Variants in AGBL1 observed in about 807,000 individuals in gnomAD.
The protein encoded by AGBL1 is cytosolic carboxypeptidase 4.
AGBL1 carries 130 observed loss-of-function variants against 118.9 expected under a neutral mutation model. The ratio of observed to expected loss-of-function variants is 1.09; its 90% CI spans 0.95 to 1.26. The LOEUF (loss-of-function observed/expected upper bound fraction) is 1.26. Ranked by LOEUF, AGBL1 falls within the 50% of genes most tolerant of loss-of-function variation. The pLI, the probability that AGBL1 is intolerant of heterozygous loss-of-function variation, is 0.00. For missense variants in AGBL1, 1,584 were observed against 1,298.1 expected (o/e 1.22, Z -3.38); for synonymous variants, 555 against 478.9 (o/e 1.16, Z -2.08).
Position 86,975,363 on chromosome 15 carries a change from T to A in AGBL1, c.3222-12624T>A, listed in dbSNP as rs146333767. On this transcript the variant is annotated intron_variant, in intron 23 of 24. Coordinates refer to the AGBL1 transcript ENST00000441037. ...AATTCCCCTTTATACAAAAATCAGA[T>A]CTCATGAGACTTATTCACCATCACC... Among the ~76,000 whole-genome samples, 77 of 151,758 alleles carry A rather than the reference T, an allele frequency of 5.1e-4. 1 individual carries two copies. In the South Asian group the frequency reaches 0.016, roughly 32 times the overall value.
At chr15:86,636,438 A>G (rs1174466253) in intron 21 of AGBL1, among the ~76,000 whole-genome samples, 1 of 151,774 alleles carries the variant, frequency 6.6e-6, no homozygotes, top group Non-Finnish European at 1.5e-5. Flanking sequence ...CATACAGAGA[A>G]GACAGGAGAG....
At chr15:86,445,000 C>T (rs528324384) in intron 18 of AGBL1, among the ~76,000 whole-genome samples, 2 of 152,218 alleles carry the variant, frequency 1.3e-5, no homozygotes, top group Admixed American at 6.5e-5. Context: ...GGGGTGGGTG[C>T]TTATATATAA....
intron 23 of AGBL1, among the ~76,000 whole-genome samples, chr15:86,951,694 TATC>T (rs1229622671): frequency 7.9e-5 from 12 of 152,316 alleles, no homozygotes; most frequent in African/African-American, 2.6e-4. Flanking sequence ...ATGCCAATAA[TATC>T]ATATTTATTG....
chr15:86,936,363 G>A (rs1441933938), intron 23 of AGBL1, among the ~76,000 whole-genome samples: 1 of 152,102 alleles, frequency 6.6e-6, no homozygotes, highest in East Asian at 1.9e-4. Flanking sequence ...GGAAGTGCTA[G>A]TCATCTATAT....
At chr15:86,519,168 A>G (rs1315699725) in intron 18 of AGBL1, among the ~76,000 whole-genome samples, 1 of 152,268 alleles carries the variant, frequency 6.6e-6, no homozygotes, top group Non-Finnish European at 1.5e-5. Context: ...AAATTCGTGG[A>G]TGCTCAAGCC....
intron 1 of AGBL1, chr15:86,116,764 G>A (rs1233694291): frequency 6.6e-6 from 1 of 152,140 alleles, no homozygotes; most frequent in Non-Finnish European, 1.5e-5. Context: ...TTTGGACTTA[G>A]ACTGAATTCT....
intron 22 of AGBL1, among the ~76,000 whole-genome samples, chr15:86,766,027 A>C (rs921255887): frequency 6.6e-6 from 1 of 152,000 alleles, no homozygotes; most frequent in African/African-American, 2.4e-5. Context: ...ATCATAACCA[A>C]TATTTACTGA....
chr15:86,100,141 T>C (rs73460843), intron 1 of AGBL1, among the ~76,000 whole-genome samples: 16,226 of 152,220 alleles, frequency 0.11, 2,306 homozygotes, highest in African/African-American at 0.33. Flanking sequence ...ATGACAGTTA[T>C]TGAATTGTGT....
At chr15:86,964,092 GTTA>G (rs2081024300) in intron 23 of AGBL1, among the ~76,000 whole-genome samples, 1 of 151,386 alleles carries the variant, frequency 6.6e-6, no homozygotes, top group Admixed American at 6.6e-5. Context: ...AAGACTCGGT[GTTA>G]TTATACTAAT....
At chr15:86,864,448 G>C (rs1188620004) in intron 22 of AGBL1, among the ~76,000 whole-genome samples, 1 of 152,156 alleles carries the variant, frequency 6.6e-6, no homozygotes, top group African/African-American at 2.4e-5. Context: ...TATGAGTTAA[G>C]AGAATTTTAA....
At chr15:86,889,611 T>C (rs1690308130) in intron 22 of AGBL1, among the ~76,000 whole-genome samples, 1 of 152,162 alleles carries the variant, frequency 6.6e-6, no homozygotes, top group Non-Finnish European at 1.5e-5. Flanking sequence ...GTGTTCTCAT[T>C]GTTCAGCTCC....
chr15:86,245,341 C>T (rs1029272069), intron 6 of AGBL1, among the ~76,000 whole-genome samples: 1 of 152,306 alleles, frequency 6.6e-6, no homozygotes, highest in South Asian at 2.1e-4. Flanking sequence ...CTCACACACA[C>T]TCAGCCAGAA....
intron 18 of AGBL1, among the ~76,000 whole-genome samples, chr15:86,406,945 G>C (rs2081538092): frequency 6.6e-6 from 1 of 152,098 alleles, no homozygotes; most frequent in African/African-American, 2.4e-5. Context: ...ATTTTCTTAA[G>C]ATAAATTTTT....
chr15:86,555,549 T>C (rs2083722204), intron 21 of AGBL1, among the ~76,000 whole-genome samples: 1 of 152,210 alleles, frequency 6.6e-6, no homozygotes, highest in Non-Finnish European at 1.5e-5. Context: ...AGCCACTTAG[T>C]CTAAAGACTT....
chr15:86,124,171 A>G (rs1898262778), intron 1 of AGBL1, among the ~76,000 whole-genome samples: 1 of 152,014 alleles, frequency 6.6e-6, no homozygotes, highest in African/African-American at 2.4e-5. Flanking sequence ...CTCTACTGAA[A>G]ATACAAAATG....
chr15:86,279,409 G>A (rs1447778256), intron 15 of AGBL1, among the ~76,000 whole-genome samples: 1 of 152,292 alleles, frequency 6.6e-6, no homozygotes, highest in East Asian at 1.9e-4. Context: ...GCACAATTGG[G>A]AGGCAGATGG....
intron 21 of AGBL1, among the ~76,000 whole-genome samples, chr15:86,598,565 C>A (rs964863205): frequency 6.6e-6 from 1 of 152,100 alleles, no homozygotes; most frequent in African/African-American, 2.4e-5. Flanking sequence ...CAACAAGTGA[C>A]ACCATTTTGT....
chr15:86,695,385 G>T (rs1392613751), intron 22 of AGBL1, among the ~76,000 whole-genome samples: 2 of 151,966 alleles, frequency 1.3e-5, no homozygotes, highest in East Asian at 1.9e-4. Flanking sequence ...GTGCACAAAG[G>T]TGTTCGTAGT....
At chr15:86,476,551 C>T (rs147834334) in intron 18 of AGBL1, among the ~76,000 whole-genome samples, 2 of 152,098 alleles carry the variant, frequency 1.3e-5, no homozygotes, top group African/African-American at 4.8e-5. Context: ...TATATATGCA[C>T]CCAATACAGG....
Sources: allele counts gnomAD v4.1 joint callset (sites outside exome capture counted in the v4.1 genomes callset), GRCh38; gene constraint gnomAD v4.1.1; transcripts MANE v1.5; gene names NCBI Gene and HGNC (gene_info 2026-07-23, HGNC 2026-07-21).